TRERF1: variants seen among roughly 807,000 people sequenced by gnomAD.
TRERF1 encodes transcriptional regulating factor 1, also known as transcriptional-regulating factor 1.
Under a neutral mutation model 122.9 loss-of-function variants are expected in TRERF1, and 27 were observed. That is an observed-to-expected ratio of 0.22 (90% CI 0.16 to 0.30). The LOEUF is 0.30. TRERF1 is among the 10% of genes least tolerant of loss of function. The pLI, the probability that TRERF1 is intolerant of heterozygous loss-of-function variation, is 1.00. For missense variants in TRERF1, 1,248 were observed against 1,560.3 expected, an observed-to-expected ratio of 0.80 and a Z score of 3.37; for synonymous variants, 636 against 641.7, an observed-to-expected ratio of 0.99 and a Z score of 0.13.
chr6:42,328,205 C>T (rs1479940991), intron 3 of TRERF1, among the ~76,000 whole-genome samples: 1 of 151,880 alleles, frequency 6.6e-6, no homozygotes, highest in East Asian at 1.9e-4. Flanking sequence ...GATGGGGTTT[C>T]ACTGTGTTGG....
At chr6:42,247,132 C>A (rs1774950306) in intron 13 of TRERF1, among the ~76,000 whole-genome samples, 1 of 152,184 alleles carries the variant, frequency 6.6e-6, no homozygotes, top group Non-Finnish European at 1.5e-5. Context: ...AGGGCCAGGG[C>A]AGCCAGGAGG....
intron 8 of TRERF1, among the ~76,000 whole-genome samples, chr6:42,262,858 T>G (rs950737294): frequency 3.9e-5 from 6 of 152,200 alleles, no homozygotes; most frequent in Non-Finnish European, 7.3e-5. Flanking sequence ...GGAAGCCTGC[T>G]GCGCCAGTGG....
intron 2 of TRERF1, among the ~76,000 whole-genome samples, chr6:42,424,168 G>A (rs1335264080): frequency 2.0e-5 from 3 of 152,176 alleles, no homozygotes; most frequent in Non-Finnish European, 2.9e-5. Flanking sequence ...CCATTATGAA[G>A]AGTGCTACTA....
At chr6:42,345,972 A>G (rs1768198419) in intron 3 of TRERF1, among the ~76,000 whole-genome samples, 1 of 152,280 alleles carries the variant, frequency 6.6e-6, no homozygotes, top group South Asian at 2.1e-4. Flanking sequence ...ATGAGGTGGA[A>G]AAAAAGGAAA....
rs757268567 is a variant in TRERF1 at position 42,268,670 on chromosome 6, C to T, written c.921G>A (p.Gln307=). ...GCTGCAGCTGTAGCTGCTGCGGCTG[C>T]TGCTGCTGTGGCGGCGGCTGTGGCT... Residue 307 remains glutamine (Q), a synonymous_variant, in exon 5 of 18, where the codon CAG becomes CAA. Transcript: ENST00000372922. This position sits in a 1 kb window ranked among gnomAD's most constrained non-coding sequence, Gnocchi z 4.4. The T allele has an allele frequency of 1.2e-6, 2 of 1,614,140 alleles. No homozygotes were observed. Among genetic ancestry groups the T allele is most frequent in the South Asian group, 2.2e-5 (2 of 91,078 alleles).
chr6:42,394,765 A>T (rs922197270), intron 2 of TRERF1, among the ~76,000 whole-genome samples: 19 of 150,124 alleles, frequency 1.3e-4, no homozygotes, highest in African/African-American at 4.4e-4. Context: ...TGAGAATATT[A>T]AAAAAAAACA....
At chr6:42,402,934 G>A (rs953883054) in intron 2 of TRERF1, among the ~76,000 whole-genome samples, 12 of 151,984 alleles carry the variant, frequency 7.9e-5, no homozygotes, top group Non-Finnish European at 1.6e-4. Context: ...ACTCACACCC[G>A]CTTCTGTGGC....
At position 42,269,629 on chromosome 6, in the gene TRERF1, A is replaced by G. The variant is rs762136295; in HGVS notation, c.-39T>C. On this transcript the variant is annotated 5_prime_UTR_variant, in exon 5 of 18. The change abolishes an upstream ATG in the 5' untranslated region. Transcript: ENST00000372922. This position sits in a 1 kb window ranked among gnomAD's most constrained non-coding sequence, Gnocchi z 4.9. ...GTTGTGAACGTCCAGCCACAAAACC[A>G]TAAAAAAGGTAAATAAAACAAACCC... 2 of 1,594,080 alleles carry G rather than the reference A, an allele frequency of 1.3e-6. No individual in the cohort carries two copies. The highest frequency in any genetic ancestry group is 2.2e-5 in the South Asian group (2 of 89,032).
chr6:42,263,329 C>G lies in TRERF1; in HGVS notation c.1875G>C (p.Met625Ile). 3 of 1,611,856 alleles carry G rather than the reference C, an allele frequency of 1.9e-6. No homozygotes were observed. Among genetic ancestry groups the G allele is most frequent in the Non-Finnish European group, 2.5e-6 (3 of 1,178,976 alleles). Residue 625 changes from methionine (M) to isoleucine (I), a missense_variant, in exon 8 of 18, where the codon ATG becomes ATC. Coordinates refer to ENST00000372922, the Ensembl canonical transcript of TRERF1. This position sits in a 1 kb window ranked among gnomAD's most constrained non-coding sequence, Gnocchi z 5.6. ...AGAGGGTCATCCTCACGAGCACAGG[C>G]ATCTCGTCGTCCGACATCGAGCTGG...
intron 2 of TRERF1, among the ~76,000 whole-genome samples, chr6:42,394,180 G>T (rs887509432): frequency 6.6e-6 from 1 of 152,072 alleles, no homozygotes; most frequent in Non-Finnish European, 1.5e-5. Context: ...AGGTGCTCAG[G>T]CCTCTGATAC....
chr6:42,373,415 C>T (rs925976553), intron 2 of TRERF1, among the ~76,000 whole-genome samples: 1 of 152,194 alleles, frequency 6.6e-6, no homozygotes, highest in Non-Finnish European at 1.5e-5. Flanking sequence ...CACCTGCAAT[C>T]CCAGCACTTT....
At chr6:42,411,540 G>A (rs1375890330) in intron 2 of TRERF1, among the ~76,000 whole-genome samples, 4 of 152,180 alleles carry the variant, frequency 2.6e-5, no homozygotes, top group African/African-American at 4.8e-5. Context: ...AACGAGGCAG[G>A]AGGCCCTGCC....
chr6:42,379,977 G>A (rs187422984), intron 2 of TRERF1, among the ~76,000 whole-genome samples: 9 of 152,326 alleles, frequency 5.9e-5, no homozygotes, highest in Admixed American at 4.6e-4. Context: ...GGTGATAAAG[G>A]CTCTAGAGAA....
intron 2 of TRERF1, among the ~76,000 whole-genome samples, chr6:42,408,058 G>C (rs1780448908): frequency 6.6e-6 from 1 of 151,756 alleles, no homozygotes; most frequent in Non-Finnish European, 1.5e-5. Context: ...CATACAAAAT[G>C]ATGTGTTCCT....
intron 2 of TRERF1, among the ~76,000 whole-genome samples, chr6:42,423,923 C>G (rs1783220733): frequency 6.6e-6 from 1 of 152,068 alleles, no homozygotes; most frequent in Non-Finnish European, 1.5e-5. Context: ...AATCTGCATC[C>G]CAAAACAATG....
At chr6:42,446,778 G>A (rs964154229) in intron 2 of TRERF1, among the ~76,000 whole-genome samples, 11 of 152,276 alleles carry the variant, frequency 7.2e-5, no homozygotes, top group Middle Eastern at 3.4e-3. Context: ...CAAGGTGGGC[G>A]GATCACTTGA....
intron 2 of TRERF1, among the ~76,000 whole-genome samples, chr6:42,410,486 T>C (rs1350501519): frequency 6.6e-6 from 1 of 152,130 alleles, no homozygotes; most frequent in African/African-American, 2.4e-5. Flanking sequence ...TCAGTGACCA[T>C]AAAATTCATC....
intron 15 of TRERF1, 105 bp from the exon 16 acceptor site, chr6:42,236,516 C>A: frequency 1.4e-6 from 2 of 1,441,398 alleles, no homozygotes; most frequent in Non-Finnish European, 1.8e-6. Context: ...AGGATGCTGG[C>A]GCTGTGTTCC....
At chr6:42,400,781 T>C (rs1456495579) in intron 2 of TRERF1, among the ~76,000 whole-genome samples, 3 of 152,138 alleles carry the variant, frequency 2.0e-5, no homozygotes, top group Admixed American at 6.5e-5. Context: ...ATCCTGAATG[T>C]CCCCAAAGTC....
Sources: gnomAD v4.1 joint callset for allele counts (sites outside exome capture counted in the v4.1 genomes callset) on GRCh38, gnomAD v4.1.1 for gene constraint, Gnocchi (gnomAD v3.1) non-coding constraint, MANE v1.5 for transcripts, NCBI Gene and HGNC (gene_info 2026-07-23, HGNC 2026-07-21) for gene names.